Variants in EVA1A observed in about 807,000 individuals in gnomAD.
EVA1A encodes the protein protein eva-1 homolog A.
A neutral mutation model predicts 9.8 loss-of-function variants in EVA1A; 7 were observed. The ratio of observed to expected loss-of-function variants is 0.71; its 90% CI spans 0.41 to 1.34. EVA1A has a LOEUF of 1.34. EVA1A is among the 40% of genes most tolerant of loss of function. The probability of loss-of-function intolerance (pLI) is 0.01; values close to 1 mark genes in which losing one functional copy is unlikely to be tolerated. For missense variants in EVA1A, 206 were observed against 205.9 expected (o/e 1.00, Z 0.00); for synonymous variants, 90 against 85.6 (o/e 1.05, Z -0.28).
intron 1 of EVA1A, among the ~76,000 whole-genome samples, chr2:75,545,946 G>A (rs1459601563): frequency 6.6e-6 from 1 of 152,112 alleles, no homozygotes; most frequent in Non-Finnish European, 1.5e-5. Flanking sequence ...AATGGGGGAG[G>A]ATGAGCACCT....
chr2:75,564,973 C>G (rs1229574090), upstream of EVA1A, among the ~76,000 whole-genome samples: 4 of 152,196 alleles, frequency 2.6e-5, no homozygotes, highest in African/African-American at 9.7e-5. Context: ...AGGTGAAACC[C>G]TTAGACTCCT....
intron 1 of EVA1A, among the ~76,000 whole-genome samples, chr2:75,545,442 A>G (rs1676296443): frequency 6.6e-6 from 1 of 152,204 alleles, no homozygotes; most frequent in Non-Finnish European, 1.5e-5. Context: ...ATCTTCCCAT[A>G]GGCAAATAAG....
intron 2 of EVA1A, among the ~76,000 whole-genome samples, chr2:75,520,293 T>C (rs1339985930): frequency 6.7e-6 from 1 of 148,774 alleles, no homozygotes; most frequent in Non-Finnish European, 1.5e-5. Context: ...TCAGAAGTTT[T>C]ATGGCAGTCC....
At chr2:75,547,195 T>C (rs1676360934) in intron 1 of EVA1A, among the ~76,000 whole-genome samples, 1 of 152,210 alleles carries the variant, frequency 6.6e-6, no homozygotes, top group Admixed American at 6.5e-5. Context: ...TCCCTTGTCC[T>C]CCTTGCTGGA....
At chr2:75,567,878 A>G (rs902999337) in intron 1 of EVA1A, among the ~76,000 whole-genome samples, 5 of 152,214 alleles carry the variant, frequency 3.3e-5, no homozygotes, top group African/African-American at 1.2e-4. Flanking sequence ...AGAATCTAAG[A>G]TTTTGATCCT....
Position 75,545,144 on chromosome 2 carries a change from T to G in EVA1A, c.-192+15536A>C, listed in dbSNP as rs543611074. 1.6e-3 allele frequency among the ~76,000 whole-genome samples: 244 copies of G among 152,334 alleles called. 3 individuals carry two copies. The highest frequency in any genetic ancestry group is 5.7e-3 in the African/African-American group (237 of 41,574). ...ATTGAAGAGTTTTAATGCTGAAAAG[T>G]TTCCAAAAATCACTGTAACATTTAA... On this transcript the variant is annotated intron_variant, in intron 1 of 3. Coordinates refer to ENST00000393913, the MANE Select transcript of EVA1A (RefSeq NM_001135032.2).
At chr2:75,509,166 A>G (rs1558674834) in intron 3 of EVA1A, among the ~76,000 whole-genome samples, 2 of 152,222 alleles carry the variant, frequency 1.3e-5, no homozygotes, top group Non-Finnish European at 2.9e-5. Flanking sequence ...CTTGAATTTA[A>G]GGGGAACTTA....
chr2:75,527,538 C>T (rs1558682290), intron 1 of EVA1A, among the ~76,000 whole-genome samples: 1 of 152,212 alleles, frequency 6.6e-6, no homozygotes, highest in South Asian at 2.1e-4. Flanking sequence ...CCATCCCCAT[C>T]CAGCAGTAAG....
upstream of EVA1A, among the ~76,000 whole-genome samples, chr2:75,562,057 G>A (rs922067314): frequency 1.3e-5 from 2 of 152,184 alleles, no homozygotes; most frequent in Non-Finnish European, 2.9e-5. Flanking sequence ...GAAGCTTTAT[G>A]GAAATGAAAA....
chr2:75,512,820 C>A (rs1226258342), intron 3 of EVA1A, among the ~76,000 whole-genome samples: 1 of 152,204 alleles, frequency 6.6e-6, no homozygotes, highest in African/African-American at 2.4e-5. Flanking sequence ...ATGCCAGTAG[C>A]AGCCTGCACT....
chr2:75,554,106 C>G (rs778829665), intron 1 of EVA1A, among the ~76,000 whole-genome samples: 4 of 152,158 alleles, frequency 2.6e-5, no homozygotes, highest in African/African-American at 9.7e-5. Flanking sequence ...TTAGGCAGCC[C>G]TTTTGATCAA....
At chr2:75,505,761 C>T (rs571722214) in intron 3 of EVA1A, among the ~76,000 whole-genome samples, 16 of 151,934 alleles carry the variant, frequency 1.1e-4, no homozygotes, top group African/African-American at 3.6e-4. Flanking sequence ...TTGCAGTGAG[C>T]CGAGATCGTG....
intron 1 of EVA1A, among the ~76,000 whole-genome samples, chr2:75,551,190 GT>G (rs1676510099): frequency 6.6e-6 from 1 of 152,062 alleles, no homozygotes; most frequent in African/African-American, 2.4e-5. Context: ...TTAAAACACT[GT>G]CTCTACCTAA....
At chr2:75,528,448 G>C (rs1675530449) in intron 1 of EVA1A, among the ~76,000 whole-genome samples, 1 of 152,206 alleles carries the variant, frequency 6.6e-6, no homozygotes, top group Non-Finnish European at 1.5e-5. Context: ...GCAGGAGTGA[G>C]ACTGGCCTTG....
At chr2:75,504,806 G>A (rs1243985021) in intron 3 of EVA1A, among the ~76,000 whole-genome samples, 1 of 151,680 alleles carries the variant, frequency 6.6e-6, no homozygotes, top group Admixed American at 6.6e-5. Flanking sequence ...GGGGGTGGGG[G>A]GCAAGGGGAG....
intron 2 of EVA1A, among the ~76,000 whole-genome samples, chr2:75,519,307 G>A (rs1424523532): frequency 6.6e-6 from 1 of 152,176 alleles, no homozygotes; most frequent in Non-Finnish European, 1.5e-5. Flanking sequence ...AAGGCTTGGA[G>A]AATGAACCTG....
chr2:75,497,515 T>C (rs374589579), intron 3 of EVA1A, among the ~76,000 whole-genome samples: 6 of 151,928 alleles, frequency 3.9e-5, no homozygotes, highest in African/African-American at 1.5e-4. Context: ...ATGGCCATTA[T>C]TAAAAGTAAA....
At chr2:75,530,375 A>G (rs761683324) in intron 1 of EVA1A, among the ~76,000 whole-genome samples, 2 of 152,214 alleles carry the variant, frequency 1.3e-5, no homozygotes, top group Non-Finnish European at 2.9e-5. Context: ...AGATAGAGAA[A>G]GAGAGAATCC....
rs775915837 is a variant in EVA1A at position 75,518,146 on chromosome 2, A to C, written c.-6T>G. 1 of 1,613,312 alleles carries C rather than the reference A, an allele frequency of 6.2e-7. No individual in the cohort carries two copies. Among genetic ancestry groups the C allele is most frequent in the East Asian group, 2.2e-5 (1 of 44,876 alleles). On this transcript the variant is annotated 5_prime_UTR_variant, in exon 3 of 4. It removes an upstream start codon present in the reference 5' UTR. Coordinates refer to ENST00000393913, the MANE Select transcript of EVA1A (RefSeq NM_001135032.2). Reference sequence around the variant, plus strand: ...TGGCTGAGGGGCAGCCTCATGGGACATCCAGAGGGGACCTCCTGGAGGTGC... The same window carrying C: ...TGGCTGAGGGGCAGCCTCATGGGACCTCCAGAGGGGACCTCCTGGAGGTGC...
Sources: gnomAD v4.1 joint callset for allele counts (sites outside exome capture counted in the v4.1 genomes callset) on GRCh38, gnomAD v4.1.1 for gene constraint, MANE v1.5 for transcripts, NCBI Gene and HGNC (gene_info 2026-07-23, HGNC 2026-07-21) for gene names.